The following NCOA3 variants were observed in gnomAD, a reference collection of about 807,000 sequenced individuals.
The protein encoded by NCOA3 is CBP-interacting protein.
NCOA3 carries 51 observed loss-of-function variants against 158.8 expected under a neutral mutation model. The ratio of observed to expected loss-of-function variants is 0.32; its 90% CI spans 0.26 to 0.41. The LOEUF is 0.41. NCOA3 is among the 10% of genes least tolerant of loss of function. NCOA3 has a pLI of 1.00. For missense variants in NCOA3, 1,510 were observed against 1,746.6 expected (o/e 0.86, Z 2.41); for synonymous variants, 537 against 592.4 (o/e 0.91, Z 1.36).
At position 47,560,366 on chromosome 20, in the gene NCOA3, C is replaced by T. The variant is rs529509765; in HGVS notation, c.-98-22817C>T. On this transcript the variant is annotated intron_variant, in intron 1 of 22. Transcript: ENST00000371998. ...TGCTGGGATTACAGATGTGAGCCAT[C>T]GTGCCCGGCCATGAGGACGTGCTTT... Among the ~76,000 whole-genome samples, 8 of 152,260 alleles carry T rather than the reference C, an allele frequency of 5.3e-5. No individual in the cohort carries two copies. The South Asian group carries it at 6.2e-4, about 12-fold the overall frequency.
At chr20:47,642,417 T>A in intron 17 of NCOA3, 33 bp downstream of exon 17, 1 of 1,534,880 alleles carries the variant, frequency 6.5e-7, no homozygotes, top group Non-Finnish European at 8.8e-7. Flanking sequence ...TAGGAGAGTG[T>A]ATATTTGTGT....
chr20:47,597,294 A>G (rs1407984531), intron 2 of NCOA3, among the ~76,000 whole-genome samples: 1 of 152,076 alleles, frequency 6.6e-6, no homozygotes, highest in Non-Finnish European at 1.5e-5. Flanking sequence ...TGTGTGTGTT[A>G]CACCTTTTAT....
chr20:47,624,112 C>T (rs377235840), intron 4 of NCOA3, 29 bp downstream of exon 4: 2 of 1,577,600 alleles, frequency 1.3e-6, no homozygotes, highest in South Asian at 1.2e-5. Flanking sequence ...TCTTTTTGAA[C>T]AGTGGTGGTT....
chr20:47,515,084 A>G (rs2084210638), intron 1 of NCOA3, among the ~76,000 whole-genome samples: 2 of 152,104 alleles, frequency 1.3e-5, no homozygotes, highest in Non-Finnish European at 2.9e-5. Flanking sequence ...TATGAATGAT[A>G]TAATGTATAT....
intron 1 of NCOA3, among the ~76,000 whole-genome samples, chr20:47,529,533 C>A (rs1002453360): frequency 4.6e-5 from 7 of 152,210 alleles, no homozygotes; most frequent in Non-Finnish European, 2.9e-5. Context: ...GCGCCTCAGC[C>A]TCCCGAGTAG....
At chr20:47,540,276 A>G (rs2084701349) in intron 1 of NCOA3, among the ~76,000 whole-genome samples, 1 of 152,162 alleles carries the variant, frequency 6.6e-6, no homozygotes, top group African/African-American at 2.4e-5. Flanking sequence ...ATTTTTCCTT[A>G]AAATCAAATA....
At chr20:47,627,508 C>A in intron 6 of NCOA3, 53 bp from the exon 7 acceptor site, 3 of 1,383,000 alleles carry the variant, frequency 2.2e-6, no homozygotes, top group South Asian at 2.6e-5. Flanking sequence ...TGATGATGGT[C>A]ATAGAATGAG....
chr20:47,549,012 C>A (rs1408685565), intron 1 of NCOA3, among the ~76,000 whole-genome samples: 1 of 152,066 alleles, frequency 6.6e-6, no homozygotes, highest in African/African-American at 2.4e-5. Flanking sequence ...AATGCATAAA[C>A]TTCAAAGATG....
intron 1 of NCOA3, among the ~76,000 whole-genome samples, chr20:47,536,964 C>T (rs530229547): frequency 1.1e-4 from 16 of 151,828 alleles, no homozygotes; most frequent in South Asian, 4.2e-4. Flanking sequence ...CCACCATGCC[C>T]GGCTAATTTT....
chr20:47,621,425 T>A (rs1259553724), intron 2 of NCOA3, among the ~76,000 whole-genome samples: 2 of 152,118 alleles, frequency 1.3e-5, no homozygotes, highest in South Asian at 4.1e-4. Flanking sequence ...GCAAGATGCA[T>A]TTTAATATAT....
intron 10 of NCOA3, 61 bp from the exon 11 acceptor site, chr20:47,635,261 G>T: frequency 1.4e-6 from 2 of 1,467,076 alleles, no homozygotes; most frequent in South Asian, 2.7e-5. Context: ...TTTTAAATCT[G>T]ATTAAAAGCT....
chr20:47,526,171 G>T (rs2084443654), intron 1 of NCOA3, among the ~76,000 whole-genome samples: 1 of 151,466 alleles, frequency 6.6e-6, no homozygotes, highest in Non-Finnish European at 1.5e-5. Context: ...TGGGCGGCCG[G>T]GCAGAGACGC....
intron 1 of NCOA3, among the ~76,000 whole-genome samples, chr20:47,522,630 C>G (rs1373591640): frequency 6.6e-6 from 1 of 152,020 alleles, no homozygotes; most frequent in Non-Finnish European, 1.5e-5. Flanking sequence ...CTCAACAAAT[C>G]ATTCGCGTAG....
intron 2 of NCOA3, 26 bp from the exon 3 acceptor site, chr20:47,622,203 T>C (rs765724197): frequency 4.8e-6 from 6 of 1,256,768 alleles, no homozygotes; most frequent in Middle Eastern, 1.9e-4. Flanking sequence ...AATGTACTTA[T>C]CTTATTTCTC....
At chr20:47,568,160 G>C (rs2085229163) in intron 1 of NCOA3, among the ~76,000 whole-genome samples, 1 of 152,234 alleles carries the variant, frequency 6.6e-6, no homozygotes, top group Non-Finnish European at 1.5e-5. Context: ...GCAACAAGCT[G>C]CTGTGGCTCC....
At chr20:47,650,904 T>C in intron 19 of NCOA3, 78 bp from the exon 20 acceptor site, 1 of 1,330,640 alleles carries the variant, frequency 7.5e-7, no homozygotes. Context: ...ATACCTGGTG[T>C]ATTGTGGGGG....
chr20:47,626,444 G>C (rs2086322346), intron 5 of NCOA3, among the ~76,000 whole-genome samples: 1 of 152,046 alleles, frequency 6.6e-6, no homozygotes, highest in African/African-American at 2.4e-5. Flanking sequence ...CATTAATTCA[G>C]ATTTCATGCT....
rs957999682 is a variant in NCOA3, at chr20:47,501,905, C to G, written c.-213C>G. On this transcript the variant is annotated 5_prime_UTR_variant, in exon 1 of 23. Transcript: ENST00000371998. The stretch of plus-strand genomic sequence containing the variant: ...CGACTTTAGCTGCTGCTGTCTCAGC[C>G]GCTCCACAGCGACGGCAGCGGCTGC... 7.5e-6 allele frequency: 3 copies of G among 399,964 alleles called. No homozygotes were observed. The highest frequency in any genetic ancestry group is 8.8e-6 in the Non-Finnish European group (2 of 227,062). The allele number at this position is 399,964 out of a possible 1,614,324, so 24.8% of individuals were successfully genotyped here.
intron 1 of NCOA3, among the ~76,000 whole-genome samples, chr20:47,515,490 T>C (rs1760045149): frequency 6.7e-6 from 1 of 149,384 alleles, no homozygotes; most frequent in African/African-American, 2.5e-5. Flanking sequence ...TTTTTTTTTT[T>C]CTTTTTTTTA....
Sources: allele counts gnomAD v4.1 joint callset (sites outside exome capture counted in the v4.1 genomes callset), GRCh38; gene constraint gnomAD v4.1.1; transcripts MANE v1.5; gene names NCBI Gene and HGNC (gene_info 2026-07-23, HGNC 2026-07-21).